Variants in PHF14 observed in about 807,000 individuals in gnomAD.
PHF14 encodes the protein PHD finger protein 14.
Under a neutral mutation model 117.9 loss-of-function variants are expected in PHF14, and 55 were observed. The ratio of observed to expected loss-of-function variants is 0.47; its 90% CI spans 0.38 to 0.58. PHF14 has a LOEUF of 0.58. Among genes scored for constraint, PHF14 ranks in the 20% least tolerant of loss-of-function variants. PHF14 has a pLI of 0.00. For missense variants in PHF14, 978 were observed against 1,122.2 expected (o/e 0.87, Z 1.84); for synonymous variants, 409 against 368.6 (o/e 1.11, Z -1.26).
At chr7:10,981,573 C>A (rs1045202982) in intron 2 of PHF14, among the ~76,000 whole-genome samples, 1 of 152,150 alleles carries the variant, frequency 6.6e-6, no homozygotes, top group Non-Finnish European at 1.5e-5. Flanking sequence ...TTCAGCCTAA[C>A]TTTTTAGTAA....
At chr7:11,164,987 C>T (rs1337864890) in intron 17 of PHF14, among the ~76,000 whole-genome samples, 7 of 152,152 alleles carry the variant, frequency 4.6e-5, no homozygotes, top group Admixed American at 1.3e-4. Flanking sequence ...TGCAGTGGCG[C>T]GATCTCCGCT....
intron 17 of PHF14, among the ~76,000 whole-genome samples, chr7:11,143,227 G>A (rs951028569): frequency 6.6e-6 from 1 of 152,068 alleles, no homozygotes; most frequent in Non-Finnish European, 1.5e-5. Context: ...ATAATAATTT[G>A]TAAATAAAAT....
At chr7:11,145,904 G>A (rs1294295226) in intron 17 of PHF14, among the ~76,000 whole-genome samples, 1 of 151,974 alleles carries the variant, frequency 6.6e-6, no homozygotes, top group Non-Finnish European at 1.5e-5. Flanking sequence ...GTAAACTGAG[G>A]AAAATGTAAA....
At chr7:11,123,440 A>C (rs1339027727) in intron 17 of PHF14, among the ~76,000 whole-genome samples, 1 of 152,178 alleles carries the variant, frequency 6.6e-6, no homozygotes, top group Non-Finnish European at 1.5e-5. Flanking sequence ...ATATGATTAA[A>C]TATGCTATAA....
chr7:11,057,910 A>C (rs1390344742), intron 14 of PHF14, among the ~76,000 whole-genome samples: 1 of 152,196 alleles, frequency 6.6e-6, no homozygotes, highest in Admixed American at 6.5e-5. Context: ...GGAATGTGTC[A>C]AGATTTGGAA....
At chr7:11,034,614 T>C (rs58927562) in intron 7 of PHF14, among the ~76,000 whole-genome samples, 1,857 of 137,674 alleles carry the variant, frequency 0.013, 39 homozygotes, top group African/African-American at 0.048. Flanking sequence ...AGTGGCGCGA[T>C]CTCGGTTAAT....
intron 13 of PHF14, among the ~76,000 whole-genome samples, chr7:11,045,077 G>A (rs1404870610): frequency 1.3e-5 from 2 of 152,214 alleles, no homozygotes; most frequent in Non-Finnish European, 2.9e-5. Flanking sequence ...CCTACATTCT[G>A]TGATGCCATG....
At chr7:11,026,649 G>T (rs1410838858) in intron 6 of PHF14, among the ~76,000 whole-genome samples, 2 of 151,758 alleles carry the variant, frequency 1.3e-5, no homozygotes, top group Non-Finnish European at 2.9e-5. Context: ...TTTTCTGTAT[G>T]GGTATGATTT....
intron 16 of PHF14, among the ~76,000 whole-genome samples, chr7:11,088,060 G>T (rs1014343382): frequency 6.6e-6 from 1 of 151,712 alleles, no homozygotes; most frequent in African/African-American, 2.4e-5. Flanking sequence ...CTCCATATCC[G>T]TGGGGCATTG....
At chr7:11,051,521 T>C (rs1784850491) in intron 13 of PHF14, 91 bp from the exon 14 acceptor site, 3 of 1,003,010 alleles carry the variant, frequency 3.0e-6, no homozygotes, top group Non-Finnish European at 4.3e-6. Context: ...TATATTATTC[T>C]TATATACCTG....
At chr7:11,020,970 C>G (rs1009537732) in intron 5 of PHF14, among the ~76,000 whole-genome samples, 1 of 152,116 alleles carries the variant, frequency 6.6e-6, no homozygotes, top group Non-Finnish European at 1.5e-5. Context: ...TAATTGATTA[C>G]TGAATGAAGG....
At chr7:11,073,279 G>A (rs534986796) in intron 16 of PHF14, among the ~76,000 whole-genome samples, 2 of 152,250 alleles carry the variant, frequency 1.3e-5, no homozygotes, top group Admixed American at 6.5e-5. Context: ...TTACTTCCAA[G>A]ATACAATGGT....
At position 10,995,009 on chromosome 7, in the gene PHF14, G is replaced by T. The variant is rs187982471; in HGVS notation, c.1045+4162G>T. Among the ~76,000 whole-genome samples the T allele has an allele frequency of 1.7e-3, 258 of 152,250 alleles. 2 individuals carry two copies. The highest frequency in any genetic ancestry group is 5.9e-3 in the African/African-American group (245 of 41,554). ...GGTCCATTTTACAGAGAGCTGATTG[G>T]TCTGTTTTGACAGGGTGCTGATTGG... On this transcript the variant is annotated intron_variant, in intron 4 of 17. Transcript: ENST00000634607.
At chr7:11,088,136 A>T (rs1224269963) in intron 16 of PHF14, among the ~76,000 whole-genome samples, 8 of 152,156 alleles carry the variant, frequency 5.3e-5, no homozygotes, top group Non-Finnish European at 8.8e-5. Flanking sequence ...AAATGCCATC[A>T]TGTTTGCATA....
chr7:11,094,765 G>A (rs1490583534), intron 16 of PHF14, among the ~76,000 whole-genome samples: 1 of 152,134 alleles, frequency 6.6e-6, no homozygotes, highest in Non-Finnish European at 1.5e-5. Flanking sequence ...CTCATGTAGT[G>A]TTGAGCAGCT....
chr7:11,023,156 C>T (rs543224733), intron 6 of PHF14, among the ~76,000 whole-genome samples, 177 bp downstream of exon 6: 1 of 152,200 alleles, frequency 6.6e-6, no homozygotes, highest in Admixed American at 6.5e-5. Flanking sequence ...TGCATAAATT[C>T]TTCTATACAT....
At chr7:10,994,760 T>G (rs1782573592) in intron 4 of PHF14, among the ~76,000 whole-genome samples, 1 of 152,054 alleles carries the variant, frequency 6.6e-6, no homozygotes, top group South Asian at 2.1e-4. Flanking sequence ...TCTGGTGGGT[T>G]CGTGGTCTCG....
intron 14 of PHF14, among the ~76,000 whole-genome samples, chr7:11,057,181 G>A (rs1785049148): frequency 6.6e-6 from 1 of 152,038 alleles, no homozygotes; most frequent in African/African-American, 2.4e-5. Flanking sequence ...AGATGTTAAG[G>A]TACTGACTCT....
At chr7:11,102,562 T>C in intron 16 of PHF14, 1 of 1,608,182 alleles carries the variant, frequency 6.2e-7, no homozygotes, top group South Asian at 1.1e-5. Context: ...TAAGTGTGAT[T>C]TTAAAAATGT....
Sources: allele counts gnomAD v4.1 joint callset (sites outside exome capture counted in the v4.1 genomes callset), GRCh38; gene constraint gnomAD v4.1.1; transcripts MANE v1.5; gene names NCBI Gene and HGNC (gene_info 2026-07-23, HGNC 2026-07-21).